Variants in UBE2D2 observed in about 807,000 individuals in gnomAD.
UBE2D2 encodes the protein ubiquitin-conjugating enzyme E2 D2.
A neutral mutation model predicts 24.2 loss-of-function variants in UBE2D2; 2 were observed. The observed-to-expected ratio is 0.08, with a 90% CI of 0.03 to 0.26. The LOEUF is 0.26. Among genes scored for constraint, UBE2D2 ranks in the 10% least tolerant of loss-of-function variants. The pLI is 1.00. For synonymous variants in UBE2D2, 58 were observed against 56.5 expected (o/e 1.03, Z -0.12); for missense variants, 44 against 177.6 (o/e 0.25, Z 4.28).
At chr5:139,599,004 C>T (rs1754015125) in intron 1 of UBE2D2, among the ~76,000 whole-genome samples, 1 of 138,932 alleles carries the variant, frequency 7.2e-6, no homozygotes, top group Non-Finnish European at 1.5e-5. Flanking sequence ...TCTTGGCTCA[C>T]TGCAACCTCT....
intron 1 of UBE2D2, among the ~76,000 whole-genome samples, chr5:139,541,819 A>C (rs1752765898): frequency 6.6e-6 from 1 of 152,070 alleles, no homozygotes; most frequent in South Asian, 2.1e-4. Context: ...TGGGAGGCTG[A>C]GGATGGCGGA....
At position 139,575,720 on chromosome 5, in the gene UBE2D2, A is replaced by T. The variant is rs142748454; in HGVS notation, c.24+13905A>T. Among the ~76,000 whole-genome samples the T allele has an allele frequency of 4.1e-4, 62 of 152,346 alleles. No individual in the cohort carries two copies. The East Asian group carries it at 0.011, about 28-fold the overall frequency. On this transcript the variant is annotated intron_variant, in intron 1 of 6. Coordinates refer to ENST00000398733, the MANE Select transcript of UBE2D2 (RefSeq NM_003339.3). Reference sequence around the variant, plus strand: ...TGCTTTGCTAAATTCTTAAGGGCTTATGTCAGGGAAAAACTTTGAAATTAG... The same window carrying T: ...TGCTTTGCTAAATTCTTAAGGGCTTTTGTCAGGGAAAAACTTTGAAATTAG...
At chr5:139,600,537 G>T in intron 2 of UBE2D2, 102 bp downstream of exon 2, 1 of 1,123,390 alleles carries the variant, frequency 8.9e-7, no homozygotes. Flanking sequence ...AACCCTTAGT[G>T]GCCCATGAAG....
chr5:139,573,823 T>C (rs920806741), intron 1 of UBE2D2, among the ~76,000 whole-genome samples: 3 of 151,896 alleles, frequency 2.0e-5, no homozygotes, highest in South Asian at 2.1e-4. Flanking sequence ...CAAAAAAAAT[T>C]AGCCAGGTGT....
intron 1 of UBE2D2, among the ~76,000 whole-genome samples, chr5:139,580,699 C>T (rs1753583554): frequency 6.6e-6 from 1 of 152,170 alleles, no homozygotes. Flanking sequence ...CCCATCTCAG[C>T]CTCCCAAAGT....
intron 1 of UBE2D2, among the ~76,000 whole-genome samples, chr5:139,599,411 T>G (rs1754025713): frequency 1.3e-5 from 2 of 152,074 alleles, no homozygotes; most frequent in Non-Finnish European, 2.9e-5. Context: ...TTAAATTTTT[T>G]TTTTGAAAAA....
chr5:139,534,675 G>C (rs1752646512), intron 1 of UBE2D2, among the ~76,000 whole-genome samples: 1 of 151,630 alleles, frequency 6.6e-6, no homozygotes, highest in South Asian at 2.1e-4. Flanking sequence ...GGCTGAGGTT[G>C]TGGTGAGCAG....
chr5:139,554,664 T>C (rs1396346064), intron 1 of UBE2D2, among the ~76,000 whole-genome samples: 2 of 152,232 alleles, frequency 1.3e-5, no homozygotes, highest in Admixed American at 6.5e-5. Context: ...TGGGGACATA[T>C]ATTTTCATTT....
At chr5:139,545,988 A>T (rs942987460) in intron 1 of UBE2D2, among the ~76,000 whole-genome samples, 1 of 150,142 alleles carries the variant, frequency 6.7e-6, no homozygotes, top group Admixed American at 6.7e-5. Flanking sequence ...CAGCCTCCCA[A>T]AGTGCTGGGA....
intron 1 of UBE2D2, among the ~76,000 whole-genome samples, chr5:139,539,469 C>A (rs866625487): frequency 9.2e-5 from 14 of 152,062 alleles, no homozygotes; most frequent in Admixed American, 2.6e-4. Context: ...AAAGAGATGA[C>A]ATGAGGGAGA....
intron 1 of UBE2D2, among the ~76,000 whole-genome samples, chr5:139,586,590 C>T (rs1212353732): frequency 2.6e-5 from 4 of 152,002 alleles, no homozygotes; most frequent in Admixed American, 1.3e-4. Context: ...ATAGTGAAAC[C>T]CTGTCTCTAC....
intron 1 of UBE2D2, among the ~76,000 whole-genome samples, chr5:139,564,270 C>T (rs967762720): frequency 6.6e-6 from 1 of 152,066 alleles, no homozygotes; most frequent in Non-Finnish European, 1.5e-5. Context: ...TTTTCTGCTT[C>T]AGCCTCCCGA....
intron 1 of UBE2D2, among the ~76,000 whole-genome samples, chr5:139,539,217 G>T (rs1474534212): frequency 6.6e-6 from 1 of 151,932 alleles, no homozygotes; most frequent in Non-Finnish European, 1.5e-5. Context: ...TAGAGACGGG[G>T]TTTCAACATG....
At chr5:139,595,797 A>G (rs1178722451) in intron 1 of UBE2D2, among the ~76,000 whole-genome samples, 4 of 151,572 alleles carry the variant, frequency 2.6e-5, no homozygotes, top group Non-Finnish European at 4.4e-5. Context: ...TGTAAAAGCA[A>G]TATATATAGT....
intron 1 of UBE2D2, among the ~76,000 whole-genome samples, chr5:139,551,276 G>A (rs1353277413): frequency 1.3e-5 from 2 of 152,184 alleles, no homozygotes; most frequent in Admixed American, 6.5e-5. Flanking sequence ...TTCAACCCAT[G>A]AGGCAGAGGT....
intron 2 of UBE2D2, among the ~76,000 whole-genome samples, chr5:139,611,620 T>C (rs1421492737): frequency 6.6e-6 from 1 of 152,192 alleles, no homozygotes; most frequent in Non-Finnish European, 1.5e-5. Flanking sequence ...TGTAAATAAT[T>C]TCCATGTCTC....
At chr5:139,589,264 GA>G (rs907019871) in intron 1 of UBE2D2, among the ~76,000 whole-genome samples, 4 of 148,282 alleles carry the variant, frequency 2.7e-5, no homozygotes, top group African/African-American at 4.9e-5. Context: ...GTCTCTTAAA[GA>G]AAAAAAAAAT....
At chr5:139,617,053 C>T (rs1425429747) in intron 5 of UBE2D2, among the ~76,000 whole-genome samples, 2 of 151,828 alleles carry the variant, frequency 1.3e-5, no homozygotes, top group African/African-American at 4.8e-5. Flanking sequence ...TGTGATGGTG[C>T]GTGCCTGTAG....
intron 2 of UBE2D2, among the ~76,000 whole-genome samples, chr5:139,601,750 A>G (rs1048131981): frequency 1.2e-4 from 18 of 152,088 alleles, no homozygotes; most frequent in African/African-American, 4.3e-4. Flanking sequence ...TCTACTAAAA[A>G]TAGAAAAAAA....
Sources: gnomAD v4.1 joint callset for allele counts (sites outside exome capture counted in the v4.1 genomes callset) on GRCh38, gnomAD v4.1.1 for gene constraint, MANE v1.5 for transcripts, NCBI Gene and HGNC (gene_info 2026-07-23, HGNC 2026-07-21) for gene names.